Variants in DOCK9 observed in about 807,000 individuals in gnomAD.
DOCK9 encodes dedicator of cytokinesis 9.
In DOCK9, 89 loss-of-function variants were observed where a neutral mutation model predicts 263.3. That is an observed-to-expected ratio of 0.34 (90% CI 0.28 to 0.40). The LOEUF (loss-of-function observed/expected upper bound fraction) is 0.40. Ranked by LOEUF, DOCK9 falls within the 10% of genes least tolerant of loss-of-function variation. DOCK9 has a pLI of 1.00. For synonymous variants in DOCK9, 976 were observed against 973.1 expected (o/e 1.00, Z -0.06); for missense variants, 2,140 against 2,603.4 (o/e 0.82, Z 3.87).
chr13:98,960,167 G>C (rs559584751), intron 1 of DOCK9, among the ~76,000 whole-genome samples: 1 of 152,172 alleles, frequency 6.6e-6, no homozygotes, highest in East Asian at 1.9e-4. Context: ...TCTTCCCTTG[G>C]TGACAGACTT....
intron 1 of DOCK9, among the ~76,000 whole-genome samples, chr13:99,057,851 C>G (rs1227325052): frequency 6.6e-6 from 1 of 152,198 alleles, no homozygotes; most frequent in Non-Finnish European, 1.5e-5. Context: ...TTTGAACATA[C>G]TGTCATTCCC....
chr13:98,942,242 T>TTTTTG (rs2056034416), intron 2 of DOCK9, among the ~76,000 whole-genome samples: 1 of 149,490 alleles, frequency 6.7e-6, no homozygotes, highest in East Asian at 1.9e-4. Context: ...GTTGTTTTTT[T>TTTTTG]TTTTTGTTTT....
intron 1 of DOCK9, among the ~76,000 whole-genome samples, chr13:99,008,210 C>CTATATATA (rs1394085625): frequency 4.1e-5 from 3 of 72,650 alleles, no homozygotes; most frequent in Admixed American, 1.4e-4. Context: ...CTCTCTCTCT[C>CTATATATA]TCTATATATA....
At chr13:99,038,288 CTTT>C (rs71419743) in intron 1 of DOCK9, among the ~76,000 whole-genome samples, 12 of 86,256 alleles carry the variant, frequency 1.4e-4, no homozygotes, top group Admixed American at 4.5e-4. Context: ...TTATGCCCCC[CTTT>C]TTTTTTTTTT....
chr13:99,026,156 G>A (rs1158422719), intron 1 of DOCK9, among the ~76,000 whole-genome samples: 1 of 152,042 alleles, frequency 6.6e-6, no homozygotes, highest in Non-Finnish European at 1.5e-5. Flanking sequence ...ATGGCTAAGG[G>A]GTCCAGTGTT....
chr13:98,809,840 C>T (rs1224953365), intron 46 of DOCK9, among the ~76,000 whole-genome samples: 4 of 152,174 alleles, frequency 2.6e-5, no homozygotes, highest in South Asian at 4.1e-4. Flanking sequence ...CATTTTTTCA[C>T]GCAGGTGGAG....
chr13:99,015,641 T>A (rs763069460), intron 1 of DOCK9: 1 of 1,561,036 alleles, frequency 6.4e-7, no homozygotes, highest in African/African-American at 1.4e-5. Context: ...TTTTTAGCAA[T>A]CTCTACTCCA....
intron 2 of DOCK9, among the ~76,000 whole-genome samples, chr13:98,943,785 C>T (rs1445088254): frequency 6.6e-6 from 1 of 152,096 alleles, no homozygotes; most frequent in Non-Finnish European, 1.5e-5. Context: ...CTCATGGAGG[C>T]TTTATTTTCT....
upstream of DOCK9, among the ~76,000 whole-genome samples, chr13:98,982,838 G>A (rs949175478): frequency 6.6e-6 from 1 of 152,120 alleles, no homozygotes; most frequent in East Asian, 1.9e-4. Flanking sequence ...CCTTTCTCCC[G>A]GGTAAGAAAA....
At chr13:98,997,037 A>C (rs2141784277) in intron 1 of DOCK9, among the ~76,000 whole-genome samples, 1 of 152,334 alleles carries the variant, frequency 6.6e-6, no homozygotes, top group East Asian at 1.9e-4. Context: ...ATGGGAAAGG[A>C]GTATTGGGAG....
intron 9 of DOCK9, among the ~76,000 whole-genome samples, chr13:98,906,358 T>G (rs932045971): frequency 2.0e-5 from 3 of 152,026 alleles, no homozygotes; most frequent in African/African-American, 7.2e-5. Context: ...GGGCTGGAGA[T>G]GAAGGATTTG....
chr13:98,961,012 G>A (rs752908890), intron 1 of DOCK9, among the ~76,000 whole-genome samples: 12 of 152,182 alleles, frequency 7.9e-5, no homozygotes, highest in Non-Finnish European at 1.5e-5. Flanking sequence ...TCCCTGGAGA[G>A]TGGTCATGTG....
At chr13:99,035,869 G>T in intron 1 of DOCK9, among the ~76,000 whole-genome samples, 1 of 152,246 alleles carries the variant, frequency 6.6e-6, no homozygotes, top group South Asian at 2.1e-4. Context: ...GAGTAAAACA[G>T]ATTGCCCTCC....
At chr13:98,894,297 C>A (rs2047057192) in intron 15 of DOCK9, among the ~76,000 whole-genome samples, 1 of 152,088 alleles carries the variant, frequency 6.6e-6, no homozygotes, top group African/African-American at 2.4e-5. Flanking sequence ...TTTAAAAGTT[C>A]ATATAAAAAT....
chr13:98,883,344 C>T (rs1311657096), intron 22 of DOCK9, among the ~76,000 whole-genome samples: 1 of 152,078 alleles, frequency 6.6e-6, no homozygotes, highest in African/African-American at 2.4e-5. Context: ...ACCTCCCAGC[C>T]TCTTGCAATC....
intron 39 of DOCK9, among the ~76,000 whole-genome samples, chr13:98,835,736 T>A (rs2092969404): frequency 2.1e-5 from 1 of 47,920 alleles, no homozygotes; most frequent in African/African-American, 9.2e-5. Flanking sequence ...TACAACTCTT[T>A]TTTTTTTTTT....
chr13:98,881,724 C>A, intron 24 of DOCK9, 97 bp from the exon 25 acceptor site: 1 of 1,345,566 alleles, frequency 7.4e-7, no homozygotes, highest in Non-Finnish European at 1.0e-6. Flanking sequence ...ATGCTATCAG[C>A]ACTTAGGAAA....
At chr13:99,032,241 CA>C (rs1391176474) in intron 1 of DOCK9, among the ~76,000 whole-genome samples, 8 of 152,066 alleles carry the variant, frequency 5.3e-5, no homozygotes, top group African/African-American at 1.9e-4. Flanking sequence ...GAGGCCTAGG[CA>C]GGCCGATTGT....
At position 98,915,785 on chromosome 13, in the gene DOCK9, C is replaced by A. The variant is rs73560650; in HGVS notation, c.718-282G>T. 3.8e-3 allele frequency among the ~76,000 whole-genome samples: 576 copies of A among 152,280 alleles called. 1 individual carries two copies. The highest frequency in any genetic ancestry group is 0.013 in the African/African-American group (536 of 41,536). On this transcript the variant is annotated intron_variant, in intron 7 of 52. Transcript: ENST00000682017. ...TCCCTGCAGTGGAATGAAACCTCCT[C>A]AGTGCTCCCATTTTTGTCAGTGCTA...
Sources: gnomAD v4.1 joint callset for allele counts (sites outside exome capture counted in the v4.1 genomes callset) on GRCh38, gnomAD v4.1.1 for gene constraint, MANE v1.5 for transcripts, NCBI Gene and HGNC (gene_info 2026-07-23, HGNC 2026-07-21) for gene names.